Variants in SSU72 observed in about 807,000 individuals in gnomAD.
SSU72 encodes SSU72 homolog, RNA polymerase II CTD phosphatase, also known as RNA polymerase II subunit A C-terminal domain phosphatase SSU72.
A neutral mutation model predicts 22.7 loss-of-function variants in SSU72; 12 were observed. The ratio of observed to expected loss-of-function variants is 0.53; its 90% CI spans 0.34 to 0.86. The LOEUF (loss-of-function observed/expected upper bound fraction) is 0.86, where lower values mean the gene tolerates loss of function less well. SSU72 is among the 40% of genes least tolerant of loss of function. The probability of loss-of-function intolerance (pLI) is 0.02; values close to 1 mark genes in which losing one functional copy is unlikely to be tolerated. For missense variants in SSU72, 151 were observed against 249.8 expected (o/e 0.60, Z 2.67); for synonymous variants, 116 against 98.3 (o/e 1.18, Z -1.06).
chr1:1,546,722 A>G (rs974598351), intron 2 of SSU72, among the ~76,000 whole-genome samples: 9 of 152,044 alleles, frequency 5.9e-5, no homozygotes, highest in Non-Finnish European at 1.3e-4. Context: ...CTGTAATCTC[A>G]GCTACAGCTA....
At position 1,571,510 on chromosome 1, in the gene SSU72, T is replaced by C. The variant is rs137965412; in HGVS notation, c.80+2968A>G. Reference sequence around the variant, plus strand: ...ATATCCATATTCATGATATCCATAATAGATGTCACCTTAAATTTACTTCCT... The same window carrying C: ...ATATCCATATTCATGATATCCATAACAGATGTCACCTTAAATTTACTTCCT... On this transcript the variant is annotated intron_variant, in intron 1 of 4. Transcript: ENST00000291386. Among the ~76,000 whole-genome samples the C allele has an allele frequency of 4.5e-3, 677 of 151,968 alleles. 6 individuals carry two copies. Among genetic ancestry groups the C allele is most frequent in the African/African-American group, 0.015 (625 of 41,450 alleles).
chr1:1,550,515 G>A (rs1021494289), intron 2 of SSU72, among the ~76,000 whole-genome samples: 1 of 152,206 alleles, frequency 6.6e-6, no homozygotes, highest in African/African-American at 2.4e-5. Context: ...CAGGCCCTTT[G>A]CCAGCACTCA....
chr1:1,564,288 C>T, intron 2 of SSU72: 2 of 537,634 alleles, frequency 3.7e-6, no homozygotes, highest in Non-Finnish European at 6.4e-6. Context: ...CCCATTATTT[C>T]TTCTAACAGC....
intron 1 of SSU72, among the ~76,000 whole-genome samples, chr1:1,568,518 C>T (rs1183282759): frequency 6.6e-6 from 1 of 151,960 alleles, no homozygotes; most frequent in African/African-American, 2.4e-5. Flanking sequence ...GCTGGAGAAT[C>T]GCTTGAACCC....
rs144883680 is a variant in SSU72 at position 1,543,944 on chromosome 1, C to T, written c.408G>A (p.Val136=). The part of the protein sequence containing the change: ...REQETCQPVH[V]VNVDIQDNHE... ...GGTTGTCCTGGATGTCCACATTGAC[C>T]ACGTGCACAGGCTGGCAGGTCTCCT... is the stretch of plus-strand genomic sequence containing the variant. The change falls in exon 4 of 5, where the codon GTG becomes GTA. Residue 136 remains valine (V), a synonymous_variant. Transcript: ENST00000291386. The T allele has an allele frequency of 3.1e-4, 505 of 1,614,104 alleles. No individual in the cohort carries two copies. The highest frequency in any genetic ancestry group is 4.0e-4 in the Non-Finnish European group (477 of 1,179,996).
chr1:1,566,972 C>T (rs1570398787), intron 1 of SSU72, among the ~76,000 whole-genome samples: 1 of 152,182 alleles, frequency 6.6e-6, no homozygotes, highest in Non-Finnish European at 1.5e-5. Context: ...TGGGGCAACA[C>T]CCAGCAAGTG....
intron 2 of SSU72, chr1:1,546,380 C>T (rs892115665): frequency 6.6e-6 from 1 of 152,270 alleles, no homozygotes; most frequent in Non-Finnish European, 1.5e-5. Flanking sequence ...TGACGTGTGT[C>T]TCCTCCTGCA....
intron 1 of SSU72, among the ~76,000 whole-genome samples, chr1:1,569,762 A>G (rs1309937556): frequency 6.6e-6 from 1 of 152,172 alleles, no homozygotes; most frequent in African/African-American, 2.4e-5. Context: ...TCAGCCTCCC[A>G]AAGTGCTGGA....
In SSU72 at chr1:1,574,715, G is replaced by T; in HGVS notation, c.-158C>A. The stretch of plus-strand genomic sequence containing the variant: ...GCGGCGACTGCGCGGCGGCCTCCCC[G>T]CCCACCCTGGGCGCCGGGCCGCGGA... On this transcript the variant is annotated 5_prime_UTR_variant, in exon 1 of 5. Transcript: ENST00000291386. The T allele has an allele frequency of 1.7e-6, 1 of 599,852 alleles. No individual in the cohort carries two copies. Among genetic ancestry groups the T allele is most frequent in the Non-Finnish European group, 2.5e-6 (1 of 397,542 alleles). The allele number at this position is 599,852 out of a possible 1,614,324, so 37.2% of individuals were successfully genotyped here. A position where few individuals can be genotyped will look rare whatever the true frequency, so the allele number is the denominator to read the frequency against.
In SSU72 at chr1:1,542,248, G is replaced by T; in HGVS notation, c.484-81C>A. 7.3e-7 allele frequency: 1 copy of T among 1,365,436 alleles called. No homozygotes were observed. The highest frequency in any genetic ancestry group is 1.0e-6 in the Non-Finnish European group (1 of 983,212). 84.6% of individuals were successfully genotyped at this position (1,365,436 alleles called of 1,614,324 possible). A position where few individuals can be genotyped will look rare whatever the true frequency, so the allele number is the denominator to read the frequency against. On this transcript the variant is annotated intron_variant, in intron 4 of 4. Transcript: ENST00000291386. This position sits in a 1 kb window ranked among gnomAD's most constrained non-coding sequence, Gnocchi z 4.4. ...CTAACACCTGGATCGCCAGGGAAAC[G>T]CCAGGCCTGAGCCAGCAGAAACCAG... is the stretch of plus-strand genomic sequence containing the variant.
chr1:1,565,055 C>G, intron 1 of SSU72, 139 bp from the exon 2 acceptor site: 1 of 1,249,040 alleles, frequency 8.0e-7, no homozygotes, highest in South Asian at 1.6e-5. Flanking sequence ...AATTTTTAAT[C>G]TAGGCCGGGC....
chr1:1,542,257 G>C lies in SSU72; in HGVS notation c.484-90C>G, dbSNP rs375833756. The C allele has an allele frequency of 1.6e-6, 2 of 1,281,272 alleles. No homozygotes were observed. The highest frequency in any genetic ancestry group is 2.9e-5 in the African/African-American group (2 of 67,866). 79.4% of individuals were successfully genotyped at this position (1,281,272 alleles called of 1,614,324 possible). ...GGATCGCCAGGGAAACGCCAGGCCT[G>C]AGCCAGCAGAAACCAGCGCAGCAGG... is the stretch of plus-strand genomic sequence containing the variant. On this transcript the variant is annotated intron_variant, in intron 4 of 4. Transcript: ENST00000291386. This position sits in a 1 kb window ranked among gnomAD's most constrained non-coding sequence, Gnocchi z 4.4.
intron 2 of SSU72, chr1:1,562,917 C>A (rs948983366): frequency 2.0e-5 from 3 of 152,340 alleles, no homozygotes; most frequent in South Asian, 4.1e-4. Context: ...TGGGGACTTA[C>A]ACTGACTTGC....
At chr1:1,551,602 A>G (rs1213804490) in intron 2 of SSU72, among the ~76,000 whole-genome samples, 1 of 152,242 alleles carries the variant, frequency 6.6e-6, no homozygotes, top group African/African-American at 2.4e-5. Context: ...GGGAGGCCTG[A>G]CAGCTGCTGC....
chr1:1,553,771 G>A (rs1021715280), intron 2 of SSU72, among the ~76,000 whole-genome samples: 8 of 148,382 alleles, frequency 5.4e-5, no homozygotes, highest in African/African-American at 1.3e-4. Context: ...CAGCCTGGGT[G>A]GCAGAGCGAG....
chr1:1,553,154 C>T (rs2100710408), intron 2 of SSU72, among the ~76,000 whole-genome samples: 1 of 152,274 alleles, frequency 6.6e-6, no homozygotes, highest in Admixed American at 6.5e-5. Flanking sequence ...TGCACTGTGG[C>T]CCCATGGTGT....
At chr1:1,559,746 G>T (rs1371127217) in intron 2 of SSU72, among the ~76,000 whole-genome samples, 1 of 101,798 alleles carries the variant, frequency 9.8e-6, no homozygotes, top group Admixed American at 9.8e-5. Context: ...TTTATTTTTG[G>T]AGACAGTTTC....
At chr1:1,553,619 CAAAAAAAAA>C (rs59261076) in intron 2 of SSU72, among the ~76,000 whole-genome samples, 2 of 100,800 alleles carry the variant, frequency 2.0e-5, no homozygotes, top group Non-Finnish European at 2.3e-5. Flanking sequence ...ACTAAAAATA[CAAAAAAAAA>C]AAAAAAAAAA....
chr1:1,550,173 C>CA (rs1169411955), intron 2 of SSU72, among the ~76,000 whole-genome samples: 865 of 79,262 alleles, frequency 0.011, 7 homozygotes, highest in African/African-American at 0.026. Context: ...GAGAGTGTCT[C>CA]AAAAAAAAAA....
Sources: allele counts gnomAD v4.1 joint callset (sites outside exome capture counted in the v4.1 genomes callset), GRCh38; gene constraint gnomAD v4.1.1; non-coding constraint Gnocchi (gnomAD v3.1); transcripts MANE v1.5; gene names NCBI Gene and HGNC (gene_info 2026-07-23, HGNC 2026-07-21).